Variants in RAB3C observed in about 807,000 individuals in gnomAD.
The protein encoded by RAB3C is ras-related protein Rab-3C.
Under a neutral mutation model 26.4 loss-of-function variants are expected in RAB3C, and 17 were observed. That is an observed-to-expected ratio of 0.64 (90% confidence interval 0.44 to 0.97). RAB3C has a LOEUF of 0.97. RAB3C is among the 50% of genes least tolerant of loss of function. RAB3C has a pLI of 0.00. For synonymous variants in RAB3C, 91 were observed against 95.9 expected, an observed-to-expected ratio of 0.95 and a Z score of 0.30; for missense variants, 242 against 281.9, an observed-to-expected ratio of 0.86 and a Z score of 1.01.
intron 2 of RAB3C, among the ~76,000 whole-genome samples, chr5:58,689,763 A>T (rs1229359666): frequency 6.6e-6 from 1 of 152,106 alleles, no homozygotes; most frequent in East Asian, 1.9e-4. Context: ...TCAGGCCGTT[A>T]TTCCTGACAG....
At chr5:58,811,546 A>G (rs962404015) in intron 3 of RAB3C, among the ~76,000 whole-genome samples, 1 of 152,182 alleles carries the variant, frequency 6.6e-6, no homozygotes, top group African/African-American at 2.4e-5. Flanking sequence ...CCCAAGGCCT[A>G]GGAAAGGGAC....
At chr5:58,792,756 C>T (rs1281192308) in intron 3 of RAB3C, among the ~76,000 whole-genome samples, 1 of 151,846 alleles carries the variant, frequency 6.6e-6, no homozygotes, top group Non-Finnish European at 1.5e-5. Context: ...TAAAAATCTT[C>T]TTTTACTGAA....
chr5:58,786,988 A>G (rs978243624), intron 3 of RAB3C, among the ~76,000 whole-genome samples: 2 of 152,108 alleles, frequency 1.3e-5, no homozygotes, highest in African/African-American at 4.8e-5. Flanking sequence ...TAAGACGACC[A>G]GGGCCAGAAA....
chr5:58,583,260 G>A (rs901263408), intron 1 of RAB3C, 28 bp downstream of exon 1: 19 of 1,613,950 alleles, frequency 1.2e-5, no homozygotes, highest in Non-Finnish European at 1.6e-5. Flanking sequence ...GAGTGGCCTC[G>A]GGAGGAATTG....
intron 2 of RAB3C, among the ~76,000 whole-genome samples, chr5:58,723,590 T>G (rs966319815): frequency 6.6e-6 from 1 of 151,736 alleles, no homozygotes; most frequent in Admixed American, 6.6e-5. Context: ...CTGCTGTTCA[T>G]GGTGGGGTGT....
chr5:58,768,010 G>A (rs1482494075), intron 3 of RAB3C, among the ~76,000 whole-genome samples: 2 of 152,178 alleles, frequency 1.3e-5, no homozygotes, highest in African/African-American at 2.4e-5. Flanking sequence ...CCCTGACACA[G>A]TGGAGTCCAG....
Position 58,852,997 on chromosome 5 carries a change from A to T in RAB3C, c.*1646A>T, listed in dbSNP as rs1429561424. On this transcript the variant is annotated 3_prime_UTR_variant, in exon 5 of 5. Transcript: ENST00000282878. ...CTAGGTCACACACATTAGTAAGTCAAAAGTTGGAAATTAGGGGAGAGAGCA... is the reference window on the plus strand; with the variant it reads ...CTAGGTCACACACATTAGTAAGTCATAAGTTGGAAATTAGGGGAGAGAGCA... 1 of 152,202 alleles carries T rather than the reference A, an allele frequency of 6.6e-6. No homozygotes were observed. Among genetic ancestry groups the T allele is most frequent in the Non-Finnish European group, 1.5e-5 (1 of 68,028 alleles). The allele number at this position is 152,202 out of a possible 1,614,324, so 9.4% of individuals were successfully genotyped here. A position where few individuals can be genotyped will look rare whatever the true frequency, so the allele number is the denominator to read the frequency against.
intron 3 of RAB3C, among the ~76,000 whole-genome samples, chr5:58,737,554 T>C (rs1741177826): frequency 2.0e-5 from 3 of 151,354 alleles, no homozygotes; most frequent in Non-Finnish European, 4.4e-5. Flanking sequence ...TCTCTGTGCC[T>C]AGAATAGTCC....
chr5:58,741,506 G>T (rs755814076), intron 3 of RAB3C: 2 of 152,102 alleles, frequency 1.3e-5, no homozygotes, highest in African/African-American at 2.4e-5. Context: ...GAAGAACAAA[G>T]ACACTCCAAT....
chr5:58,693,002 G>C (rs1748601908), intron 2 of RAB3C, among the ~76,000 whole-genome samples: 1 of 151,790 alleles, frequency 6.6e-6, no homozygotes, highest in African/African-American at 2.4e-5. Flanking sequence ...AGCTACTCAG[G>C]AGGCTGAGGC....
intron 3 of RAB3C, among the ~76,000 whole-genome samples, chr5:58,820,383 C>T (rs1743311406): frequency 1.3e-5 from 2 of 152,188 alleles, no homozygotes; most frequent in Admixed American, 1.3e-4. Context: ...AATCACCCAA[C>T]ATGGCATTGA....
intron 1 of RAB3C, among the ~76,000 whole-genome samples, chr5:58,591,968 G>A (rs1018102571): frequency 7.4e-5 from 11 of 147,838 alleles, no homozygotes; most frequent in Non-Finnish European, 1.0e-4. Flanking sequence ...GCACGATCTC[G>A]GCTCACTGCA....
intron 3 of RAB3C, among the ~76,000 whole-genome samples, chr5:58,772,026 A>C (rs2111989330): frequency 6.6e-6 from 1 of 152,234 alleles, no homozygotes; most frequent in South Asian, 2.1e-4. Flanking sequence ...TGAGTAAAGC[A>C]GAAATATGCT....
chr5:58,713,547 A>G (rs1160319466), intron 2 of RAB3C, among the ~76,000 whole-genome samples: 2 of 152,170 alleles, frequency 1.3e-5, no homozygotes. Context: ...AAATATTCTT[A>G]TTTTAGAGGC....
intron 2 of RAB3C, among the ~76,000 whole-genome samples, chr5:58,706,147 T>C (rs2111887742): frequency 6.6e-6 from 1 of 152,322 alleles, no homozygotes; most frequent in Admixed American, 6.5e-5. Context: ...CAGAAACTTT[T>C]GTTGTTGTTG....
At chr5:58,680,345 A>G (rs2111839489) in intron 2 of RAB3C, among the ~76,000 whole-genome samples, 1 of 152,352 alleles carries the variant, frequency 6.6e-6, no homozygotes, top group African/African-American at 2.4e-5. Flanking sequence ...CAAGAATGAT[A>G]CAGAAAGCTA....
chr5:58,587,611 T>G (rs939969297), intron 1 of RAB3C, among the ~76,000 whole-genome samples: 6 of 152,234 alleles, frequency 3.9e-5, no homozygotes, highest in African/African-American at 1.4e-4. Flanking sequence ...AAATCTTAAG[T>G]GAACAATTTG....
At chr5:58,663,229 A>C in intron 2 of RAB3C, among the ~76,000 whole-genome samples, 1 of 150,026 alleles carries the variant, frequency 6.7e-6, no homozygotes, top group South Asian at 2.1e-4. Context: ...TAGAGAATTA[A>C]AATATTCAAA....
chr5:58,768,485 T>A (rs1443924477), intron 3 of RAB3C, among the ~76,000 whole-genome samples: 1 of 151,962 alleles, frequency 6.6e-6, no homozygotes, highest in South Asian at 2.1e-4. Flanking sequence ...AAACAACAGA[T>A]AAAATATGCA....
Sources: gnomAD v4.1 joint callset for allele counts (sites outside exome capture counted in the v4.1 genomes callset) on GRCh38, gnomAD v4.1.1 for gene constraint, MANE v1.5 for transcripts, NCBI Gene and HGNC (gene_info 2026-07-23, HGNC 2026-07-21) for gene names.